The following TSC22D2 variants were observed in gnomAD, a reference collection of about 807,000 sequenced individuals.
TSC22D2 encodes the protein TSC22 domain family protein 2.
A neutral mutation model predicts 50.1 loss-of-function variants in TSC22D2; 5 were observed. That is an observed-to-expected ratio of 0.10 (90% CI 0.05 to 0.21). The LOEUF is 0.21. Ranked by LOEUF, TSC22D2 falls within the 10% of genes least tolerant of loss-of-function variation. The probability of loss-of-function intolerance (pLI) is 1.00; values close to 1 mark genes in which losing one functional copy is unlikely to be tolerated. For missense variants in TSC22D2, 1,003 were observed against 1,015.5 expected, an observed-to-expected ratio of 0.99 and a Z score of 0.17; for synonymous variants, 501 against 450.1, an observed-to-expected ratio of 1.11 and a Z score of -1.43.
chr3:150,435,223 C>T (rs1279399747), intron 1 of TSC22D2, among the ~76,000 whole-genome samples: 2 of 152,106 alleles, frequency 1.3e-5, no homozygotes, highest in Non-Finnish European at 2.9e-5. Context: ...AGGTGATCCA[C>T]CACCTCTGTG....
intron 1 of TSC22D2, among the ~76,000 whole-genome samples, chr3:150,446,214 T>C (rs572938417): frequency 1.3e-5 from 2 of 152,280 alleles, no homozygotes; most frequent in Non-Finnish European, 2.9e-5. Flanking sequence ...GAAACTGTCT[T>C]ACCCCTCAGA....
chr3:150,434,381 A>G lies in TSC22D2; in HGVS notation c.1959-22695A>G, dbSNP rs954357210. 2.6e-5 allele frequency among the ~76,000 whole-genome samples: 4 copies of G among 152,050 alleles called. No homozygotes were observed. In the South Asian group the frequency reaches 8.3e-4, roughly 32 times the overall value. On this transcript the variant is annotated intron_variant, in intron 1 of 2. Transcript: ENST00000688009. ...GGTCTCAAACTCCTGGCTTCAAGTG[A>G]TCCACCCTGCCCTGACCTCTCAAAG...
chr3:150,417,949 C>T (rs926962678), intron 1 of TSC22D2, among the ~76,000 whole-genome samples: 7 of 152,042 alleles, frequency 4.6e-5, no homozygotes, highest in South Asian at 2.1e-4. Flanking sequence ...AGTCATTTCA[C>T]TTGTCTGTTT....
intron 1 of TSC22D2, among the ~76,000 whole-genome samples, chr3:150,432,531 A>C (rs1166454945): frequency 6.6e-6 from 1 of 151,560 alleles, no homozygotes; most frequent in Non-Finnish European, 1.5e-5. Context: ...CTAATTCGCC[A>C]AATTCGATGT....
intron 1 of TSC22D2, among the ~76,000 whole-genome samples, chr3:150,437,879 A>G (rs980168228): frequency 1.3e-5 from 2 of 152,056 alleles, no homozygotes; most frequent in Admixed American, 1.3e-4. Context: ...ACCAAACAAT[A>G]TAACTCAAAT....
intron 1 of TSC22D2, among the ~76,000 whole-genome samples, chr3:150,440,453 A>AT (rs11290815): frequency 0.03 from 4,413 of 148,648 alleles, 221 homozygotes; most frequent in African/African-American, 0.1. Flanking sequence ...ATATATGTGT[A>AT]TTTTTTTTTT....
intron 1 of TSC22D2, among the ~76,000 whole-genome samples, chr3:150,432,077 G>A (rs992804445): frequency 6.6e-6 from 1 of 152,132 alleles, no homozygotes; most frequent in African/African-American, 2.4e-5. Flanking sequence ...TCGAAGTGGT[G>A]TTTCACTGGA....
intron 1 of TSC22D2, among the ~76,000 whole-genome samples, chr3:150,447,066 A>C (rs1720910173): frequency 6.6e-6 from 1 of 152,212 alleles, no homozygotes; most frequent in South Asian, 2.1e-4. Context: ...CTTTTGGTAT[A>C]TACATATACC....
At chr3:150,425,039 C>G (rs1034469848) in intron 1 of TSC22D2, among the ~76,000 whole-genome samples, 2 of 152,188 alleles carry the variant, frequency 1.3e-5, no homozygotes, top group African/African-American at 4.8e-5. Flanking sequence ...ATCATGAGAC[C>G]GTTTATTCCA....
intron 1 of TSC22D2, among the ~76,000 whole-genome samples, chr3:150,434,118 T>C (rs1211736280): frequency 1.3e-5 from 2 of 151,578 alleles, no homozygotes; most frequent in African/African-American, 2.4e-5. Flanking sequence ...TTAGCTATTA[T>C]TAAGCTCAGA....
At position 150,461,951 on chromosome 3, in the gene TSC22D2, A is replaced by G. The variant is rs1053167345; in HGVS notation, c.*3315A>G. 7.9e-5 allele frequency: 12 copies of G among 152,128 alleles called. No individual in the cohort carries two copies. Among genetic ancestry groups the G allele is most frequent in the African/African-American group, 2.7e-4 (11 of 41,432 alleles). 9.4% of individuals were successfully genotyped at this position (152,128 alleles called of 1,614,324 possible). A position where few individuals can be genotyped will look rare whatever the true frequency, so the allele number is the denominator to read the frequency against. ...GCTAATTGTCTGGAAACAATTTTTA[A>G]GATTTGAAGTCACATTTTTAAAAGA... On this transcript the variant is annotated 3_prime_UTR_variant, in exon 3 of 3. Transcript: ENST00000688009.
chr3:150,436,236 T>A (rs28571974), intron 1 of TSC22D2, among the ~76,000 whole-genome samples: 30,438 of 151,696 alleles, frequency 0.2, 3,492 homozygotes, highest in African/African-American at 0.29. Flanking sequence ...ACCCTTAAAA[T>A]TTTTTTTTGT....
chr3:150,445,911 C>T (rs1720872153), intron 1 of TSC22D2, among the ~76,000 whole-genome samples: 1 of 151,888 alleles, frequency 6.6e-6, no homozygotes, highest in African/African-American at 2.4e-5. Context: ...CTGGCCAACA[C>T]AGTGAAACCC....
At position 150,410,312 on chromosome 3, in the gene TSC22D2, G is replaced by T. The variant is rs746152178; in HGVS notation, c.962G>T (p.Gly321Val). 1.7e-5 allele frequency: 27 copies of T among 1,573,128 alleles called. No individual in the cohort carries two copies. The South Asian group carries it at 2.9e-4, about 17-fold the overall frequency. The change falls in exon 1 of 3, where the codon GGA becomes GTA. Residue 321 changes from glycine (G) to valine (V), a missense_variant. This residue lies in a region of TSC22D2 where 696 missense variants were observed against 647.8 expected (regional missense o/e 1.07). Transcript: ENST00000688009. ...CAGCCCCAGGGAGCGGGGCCCGGGG[G>T]ACAGACTCTGCCGCCGACGAATGTA... The part of the protein sequence containing the change: ...PSQPQGAGPG[G>V]QTLPPTNVTL...
At chr3:150,442,308 C>T (rs1350013925) in intron 1 of TSC22D2, among the ~76,000 whole-genome samples, 1 of 152,164 alleles carries the variant, frequency 6.6e-6, no homozygotes. Context: ...TGTAAACTCA[C>T]AAACTCTGGA....
intron 1 of TSC22D2, among the ~76,000 whole-genome samples, chr3:150,412,542 A>G (rs1318991637): frequency 6.6e-6 from 1 of 152,206 alleles, no homozygotes; most frequent in Non-Finnish European, 1.5e-5. Flanking sequence ...GTTGGTTTGA[A>G]AAATACTCAC....
At chr3:150,448,151 G>A (rs1475845907) in intron 1 of TSC22D2, among the ~76,000 whole-genome samples, 1 of 151,896 alleles carries the variant, frequency 6.6e-6, no homozygotes, top group Non-Finnish European at 1.5e-5. Context: ...TTTGCCTATT[G>A]TTAGTCTATT....
chr3:150,458,044 A>G (rs1721247487), intron 2 of TSC22D2, among the ~76,000 whole-genome samples: 1 of 152,196 alleles, frequency 6.6e-6, no homozygotes, highest in African/African-American at 2.4e-5. Context: ...TTCCGTTGGA[A>G]TATTGTTCCT....
chr3:150,452,345 C>T (rs1238398162), intron 1 of TSC22D2, among the ~76,000 whole-genome samples: 4 of 151,358 alleles, frequency 2.6e-5, no homozygotes, highest in South Asian at 4.2e-4. Context: ...CTCGGGAGGC[C>T]GAGGCAGGAG....
Sources: gnomAD v4.1 joint callset for allele counts (sites outside exome capture counted in the v4.1 genomes callset) on GRCh38, gnomAD v4.1.1 for gene constraint, gnomAD v4.1.1 regional missense constraint, MANE v1.5 for transcripts, NCBI Gene and HGNC (gene_info 2026-07-23, HGNC 2026-07-21) for gene names.